The following SGCD variants were observed in gnomAD, a reference collection of about 807,000 sequenced individuals.
SGCD encodes sarcoglycan delta.
In SGCD, 18 loss-of-function variants were observed where a neutral mutation model predicts 36.6. The observed-to-expected ratio is 0.49, with a 90% CI of 0.34 to 0.73. The LOEUF (loss-of-function observed/expected upper bound fraction) is 0.73, where lower values mean the gene tolerates loss of function less well. SGCD is among the 30% of genes least tolerant of loss of function. SGCD has a pLI of 0.01. For synonymous variants in SGCD, 133 were observed against 130.6 expected, an observed-to-expected ratio of 1.02 and a Z score of -0.12; for missense variants, 387 against 346.7, an observed-to-expected ratio of 1.12 and a Z score of -0.92.
chr5:155,786,186 A>G, the SGCD span, among the ~76,000 whole-genome samples: 13 of 152,362 alleles, frequency 8.5e-5, no homozygotes, highest in African/African-American at 3.1e-4. Flanking sequence ...TGTTGCAAGT[A>G]ACAGAAACTG....
intron 1 of SGCD, among the ~76,000 whole-genome samples, chr5:155,965,904 G>A (rs538880892): frequency 2.6e-5 from 4 of 152,106 alleles, no homozygotes; most frequent in East Asian, 1.9e-4. Context: ...GTCCAACAGG[G>A]ATTGGGGCTG....
intron 1 of SGCD, among the ~76,000 whole-genome samples, chr5:156,074,831 A>T (rs966989643): frequency 1.3e-5 from 2 of 152,246 alleles, no homozygotes; most frequent in Non-Finnish European, 2.9e-5. Context: ...TGTGCTAACA[A>T]CAGTCACACT....
intron 3 of SGCD, among the ~76,000 whole-genome samples, chr5:156,456,235 C>T (rs560291737): frequency 2.8e-4 from 42 of 152,182 alleles, no homozygotes; most frequent in African/African-American, 9.4e-4. Context: ...GGAAAAGCCT[C>T]CTTGAATGTT....
chr5:156,412,610 T>A (rs1388206169), intron 3 of SGCD, among the ~76,000 whole-genome samples: 1 of 152,152 alleles, frequency 6.6e-6, no homozygotes, highest in Non-Finnish European at 1.5e-5. Flanking sequence ...CAAACATAGG[T>A]GCCAGTACTC....
intron 3 of SGCD, among the ~76,000 whole-genome samples, chr5:156,421,627 G>A (rs1328844117): frequency 6.6e-6 from 1 of 152,020 alleles, no homozygotes; most frequent in South Asian, 2.1e-4. Flanking sequence ...GGGTGACCCC[G>A]TGAGCAGATA....
At chr5:156,173,823 TAAAA>T (rs58745959) in intron 3 of SGCD, among the ~76,000 whole-genome samples, 1 of 150,038 alleles carries the variant, frequency 6.7e-6, no homozygotes, top group African/African-American at 2.4e-5. Flanking sequence ...GATAGTAAAT[TAAAA>T]AAAAAACACT....
intron 7 of SGCD, chr5:156,704,081 G>A (rs187534969): frequency 3.7e-4 from 57 of 152,288 alleles, no homozygotes; most frequent in Admixed American, 3.5e-3. Context: ...AATATGATGT[G>A]AGAAGCAAAT....
At chr5:156,357,930 C>T (rs1380251038) in intron 3 of SGCD, among the ~76,000 whole-genome samples, 1 of 152,182 alleles carries the variant, frequency 6.6e-6, no homozygotes, top group African/African-American at 2.4e-5. Context: ...CTCGGCAACA[C>T]TGACTTTCTG....
Position 156,344,659 on chromosome 5 carries a change from A to T in SGCD, c.174A>T (p.Lys58Asn). The stretch of plus-strand genomic sequence containing the variant: ...TGGCCATGACCATCTGGATTCTCAA[A>T]GTCATGAACTTCACAATTGTAAGTA... ...VNLAMTIWIL[K>N]VMNFTIDGMG... The change falls in exon 3 of 9, where the codon AAA becomes AAT. Residue 58 changes from lysine (K) to asparagine (N), a missense_variant. Physicochemically the swap from Lys to Asn is moderately conservative, Grantham distance 94. Coordinates refer to ENST00000337851, the MANE Select transcript of SGCD (RefSeq NM_000337.6). The T allele has an allele frequency of 6.2e-7, 1 of 1,603,750 alleles. No individual in the cohort carries two copies.
At chr5:155,746,735 G>A in the SGCD span, among the ~76,000 whole-genome samples, 1 of 152,084 alleles carries the variant, frequency 6.6e-6, no homozygotes, top group Admixed American at 6.5e-5. Context: ...GTGATCAATA[G>A]GAATCCTCCC....
chr5:156,491,103 A>G (rs1755917972), intron 3 of SGCD, among the ~76,000 whole-genome samples: 1 of 152,122 alleles, frequency 6.6e-6, no homozygotes, highest in Non-Finnish European at 1.5e-5. Flanking sequence ...CCAATAAAAA[A>G]TGAAATAAAA....
At chr5:156,112,611 C>T (rs1761813693) in intron 1 of SGCD, among the ~76,000 whole-genome samples, 1 of 152,094 alleles carries the variant, frequency 6.6e-6, no homozygotes, top group Non-Finnish European at 1.5e-5. Flanking sequence ...GAGCTAGACC[C>T]ATCATATGTA....
chr5:156,259,350 G>A (rs1275234922), intron 3 of SGCD, among the ~76,000 whole-genome samples: 1 of 151,798 alleles, frequency 6.6e-6, no homozygotes, highest in Non-Finnish European at 1.5e-5. Flanking sequence ...TATGTAATCT[G>A]TACACAAGTC....
At chr5:156,097,375 C>T (rs1046157288) in intron 1 of SGCD, among the ~76,000 whole-genome samples, 1 of 152,146 alleles carries the variant, frequency 6.6e-6, no homozygotes, top group South Asian at 2.1e-4. Flanking sequence ...TTATTGGTCT[C>T]TGGGGCACTG....
chr5:156,418,304 A>G (rs895302680), intron 3 of SGCD, among the ~76,000 whole-genome samples: 2 of 152,202 alleles, frequency 1.3e-5, no homozygotes, highest in African/African-American at 4.8e-5. Flanking sequence ...GATAACATAA[A>G]TTGACTCTGA....
chr5:156,691,025 G>T (rs1754085632), intron 7 of SGCD, among the ~76,000 whole-genome samples: 1 of 151,754 alleles, frequency 6.6e-6, no homozygotes, highest in East Asian at 1.9e-4. Context: ...TGGCCAACAT[G>T]GTGAAACCCT....
intron 3 of SGCD, among the ~76,000 whole-genome samples, chr5:156,382,732 G>T (rs1331789773): frequency 6.6e-6 from 1 of 152,108 alleles, no homozygotes; most frequent in Admixed American, 6.5e-5. Flanking sequence ...TCACCAAAAT[G>T]TGTAAACAAA....
chr5:156,380,955 C>G (rs1770943211), intron 3 of SGCD, among the ~76,000 whole-genome samples: 1 of 152,180 alleles, frequency 6.6e-6, no homozygotes, highest in African/African-American at 2.4e-5. Flanking sequence ...GAGTTTGAGA[C>G]ACCGTTTCAG....
intron 3 of SGCD, among the ~76,000 whole-genome samples, chr5:156,238,260 C>T (rs1765216313): frequency 6.6e-6 from 1 of 152,154 alleles, no homozygotes; most frequent in Non-Finnish European, 1.5e-5. Context: ...AATAGTTTTA[C>T]GTATCTAATT....
Sources: gnomAD v4.1 joint callset for allele counts (sites outside exome capture counted in the v4.1 genomes callset) on GRCh38, gnomAD v4.1.1 for gene constraint, MANE v1.5 for transcripts, NCBI Gene and HGNC (gene_info 2026-07-23, HGNC 2026-07-21) for gene names.